The following CNTNAP2 variants were observed in gnomAD, a reference collection of about 807,000 sequenced individuals.
CNTNAP2 encodes contactin associated protein 2.
In CNTNAP2, 98 loss-of-function variants were observed where a neutral mutation model predicts 155.2. The observed-to-expected ratio is 0.63, with a 90% CI of 0.54 to 0.75. CNTNAP2 has a LOEUF of 0.75. Ranked by LOEUF, CNTNAP2 falls within the 30% of genes least tolerant of loss-of-function variation. The pLI is 0.00. For missense variants in CNTNAP2, 1,727 were observed against 1,688.1 expected (o/e 1.02, Z -0.40); for synonymous variants, 651 against 631.2 (o/e 1.03, Z -0.47).
chr7:147,048,384 A>G (rs1208524711), intron 4 of CNTNAP2, among the ~76,000 whole-genome samples: 1 of 152,164 alleles, frequency 6.6e-6, no homozygotes, highest in Non-Finnish European at 1.5e-5. Flanking sequence ...TCTGGAGGGA[A>G]TGTGATCTTG....
intron 21 of CNTNAP2, among the ~76,000 whole-genome samples, chr7:148,313,230 A>G (rs1282227236): frequency 1.3e-5 from 2 of 150,382 alleles, no homozygotes; most frequent in Non-Finnish European, 3.0e-5. Flanking sequence ...AGAAGGGGAC[A>G]GACTTGCTCT....
intron 3 of CNTNAP2, among the ~76,000 whole-genome samples, chr7:147,007,863 C>T (rs2129242943): frequency 6.6e-6 from 1 of 152,144 alleles, no homozygotes; most frequent in Non-Finnish European, 1.5e-5. Flanking sequence ...TACTTATTTC[C>T]TTAATAGCTT....
intron 1 of CNTNAP2, among the ~76,000 whole-genome samples, chr7:146,592,373 T>A (rs1798796152): frequency 6.6e-6 from 1 of 152,258 alleles, no homozygotes; most frequent in Non-Finnish European, 1.5e-5. Flanking sequence ...CTGGCATTAC[T>A]GCCTGTGGAC....
intron 4 of CNTNAP2, among the ~76,000 whole-genome samples, chr7:147,091,484 G>A (rs184118358): frequency 3.3e-5 from 5 of 152,092 alleles, no homozygotes; most frequent in Admixed American, 2.0e-4. Context: ...CAAGAGTCTC[G>A]CTCTATCACC....
At chr7:146,576,411 C>A (rs561547987) in intron 1 of CNTNAP2, among the ~76,000 whole-genome samples, 1 of 152,062 alleles carries the variant, frequency 6.6e-6, no homozygotes, top group Non-Finnish European at 1.5e-5. Flanking sequence ...TTTATGTAAC[C>A]CCCAGTGCCC....
At chr7:146,164,557 A>G (rs1798283296) in intron 1 of CNTNAP2, among the ~76,000 whole-genome samples, 1 of 152,194 alleles carries the variant, frequency 6.6e-6, no homozygotes, top group Admixed American at 6.5e-5. Context: ...CTGAACAGCA[A>G]CTTAATAACA....
At chr7:148,049,481 T>C (rs116298136) in intron 15 of CNTNAP2, among the ~76,000 whole-genome samples, 49 of 152,252 alleles carry the variant, frequency 3.2e-4, no homozygotes, top group African/African-American at 1.0e-3. Context: ...TAAGAAAAAT[T>C]ATAAAACCAA....
At chr7:147,729,614 C>T (rs1182792631) in intron 13 of CNTNAP2, among the ~76,000 whole-genome samples, 1 of 151,840 alleles carries the variant, frequency 6.6e-6, no homozygotes, top group Non-Finnish European at 1.5e-5. Context: ...CTGTGTGGAC[C>T]ACAGGATTTT....
At chr7:147,041,113 T>G (rs1021125101) in intron 3 of CNTNAP2, among the ~76,000 whole-genome samples, 3 of 152,206 alleles carry the variant, frequency 2.0e-5, no homozygotes, top group African/African-American at 7.2e-5. Flanking sequence ...TTATTGTTAT[T>G]TCTTAACAAC....
chr7:147,066,831 G>A (rs1394070965), intron 4 of CNTNAP2, among the ~76,000 whole-genome samples: 1 of 152,168 alleles, frequency 6.6e-6, no homozygotes, highest in Non-Finnish European at 1.5e-5. Flanking sequence ...TTGGGTGATT[G>A]TAAACAATAT....
chr7:147,282,686 A>G (rs1805071774), intron 8 of CNTNAP2, among the ~76,000 whole-genome samples: 1 of 151,870 alleles, frequency 6.6e-6, no homozygotes, highest in African/African-American at 2.4e-5. Flanking sequence ...GTGTGTCATA[A>G]AAGAGCCTTA....
intron 3 of CNTNAP2, among the ~76,000 whole-genome samples, chr7:146,895,545 C>A (rs561462368): frequency 6.6e-6 from 1 of 151,998 alleles, no homozygotes; most frequent in East Asian, 1.9e-4. Context: ...CATTGAAACA[C>A]CATATAAATT....
chr7:147,435,123 G>A (rs932471139), intron 10 of CNTNAP2, among the ~76,000 whole-genome samples: 3 of 152,140 alleles, frequency 2.0e-5, no homozygotes, highest in Non-Finnish European at 2.9e-5. Context: ...GGTAACACAG[G>A]AAATGCCAAG....
chr7:147,794,661 G>T (rs896077926), intron 13 of CNTNAP2, among the ~76,000 whole-genome samples: 8 of 151,558 alleles, frequency 5.3e-5, no homozygotes, highest in Non-Finnish European at 8.9e-5. Flanking sequence ...AGAATGAATA[G>T]GGATACCTCC....
chr7:147,393,372 C>T (rs1029663081), intron 9 of CNTNAP2, among the ~76,000 whole-genome samples: 3 of 151,482 alleles, frequency 2.0e-5, no homozygotes, highest in Non-Finnish European at 2.9e-5. Flanking sequence ...TTGTAGTAAT[C>T]GGTATTTATG....
At chr7:146,699,734 G>A (rs1017137557) in intron 1 of CNTNAP2, among the ~76,000 whole-genome samples, 16 of 152,068 alleles carry the variant, frequency 1.1e-4, no homozygotes, top group African/African-American at 3.1e-4. Context: ...TTGGGAGGCC[G>A]AGGTGGGAGG....
At chr7:146,847,883 G>T (rs540806815) in intron 3 of CNTNAP2, among the ~76,000 whole-genome samples, 1 of 152,132 alleles carries the variant, frequency 6.6e-6, no homozygotes, top group African/African-American at 2.4e-5. Context: ...GTGAAAATAT[G>T]ACTAGGATGT....
chr7:147,075,258 A>G (rs1799973778), intron 4 of CNTNAP2, among the ~76,000 whole-genome samples: 1 of 152,188 alleles, frequency 6.6e-6, no homozygotes, highest in African/African-American at 2.4e-5. Context: ...AGTTGAAATT[A>G]CTGGATGAGA....
At chr7:146,426,824 G>A (rs1035187763) in intron 1 of CNTNAP2, among the ~76,000 whole-genome samples, 5 of 151,832 alleles carry the variant, frequency 3.3e-5, no homozygotes, top group Non-Finnish European at 7.4e-5. Context: ...CTTGAAAATT[G>A]ATAAAAGAGT....
Sources: gnomAD v4.1 joint callset for allele counts (sites outside exome capture counted in the v4.1 genomes callset) on GRCh38, gnomAD v4.1.1 for gene constraint, MANE v1.5 for transcripts, NCBI Gene and HGNC (gene_info 2026-07-23, HGNC 2026-07-21) for gene names.